MDFIC: variants seen among roughly 807,000 people sequenced by gnomAD.
MDFIC encodes the protein MyoD family inhibitor domain containing.
In MDFIC, 17 loss-of-function variants were observed where a neutral mutation model predicts 23.2. The observed-to-expected ratio is 0.73, with a 90% CI of 0.50 to 1.10. MDFIC has a LOEUF of 1.10. Among genes scored for constraint, MDFIC ranks in the 50% least tolerant of loss-of-function variants. MDFIC has a pLI of 0.00. For missense variants in MDFIC, 356 were observed against 316.6 expected, an observed-to-expected ratio of 1.12 and a Z score of -0.95; for synonymous variants, 120 against 115.2, an observed-to-expected ratio of 1.04 and a Z score of -0.27.
intron 1 of MDFIC, 144 bp from the exon 2 acceptor site, chr7:114,922,783 A>C: frequency 7.6e-7 from 1 of 1,309,782 alleles, no homozygotes; most frequent in South Asian, 1.7e-5. Flanking sequence ...GCGCTGTAAC[A>C]GTTTTCTTCG....
At chr7:114,936,663 G>A (rs553309629) in intron 2 of MDFIC, among the ~76,000 whole-genome samples, 1 of 152,134 alleles carries the variant, frequency 6.6e-6, no homozygotes, top group Non-Finnish European at 1.5e-5. Context: ...TGAGTATTGC[G>A]ATAGACGTTT....
chr7:115,013,341 C>G (rs1791719459), intron 4 of MDFIC, among the ~76,000 whole-genome samples: 1 of 123,632 alleles, frequency 8.1e-6, no homozygotes, highest in East Asian at 5.1e-4. Flanking sequence ...ATTTCTAAGG[C>G]TGGAACGAGA....
intron 3 of MDFIC, among the ~76,000 whole-genome samples, chr7:114,967,427 A>C (rs1793119626): frequency 6.6e-6 from 1 of 152,224 alleles, no homozygotes; most frequent in African/African-American, 2.4e-5. Context: ...TGCATCATAG[A>C]CTCATAATTA....
intron 3 of MDFIC, among the ~76,000 whole-genome samples, chr7:114,949,081 A>G (rs185392977): frequency 2.2e-4 from 33 of 152,274 alleles, no homozygotes; most frequent in Non-Finnish European, 3.8e-4. Flanking sequence ...GTGTGTTGTT[A>G]TTATTGTCTT....
chr7:114,984,907 A>T (rs981443844), intron 4 of MDFIC, among the ~76,000 whole-genome samples: 4 of 152,240 alleles, frequency 2.6e-5, no homozygotes, highest in African/African-American at 9.6e-5. Flanking sequence ...CATACTTGAT[A>T]TTCTGCATTT....
rs1456709044 is a variant in MDFIC at position 115,016,804 on chromosome 7, G to A, written c.*869G>A. On this transcript the variant is annotated 3_prime_UTR_variant, in exon 5 of 5. Transcript: ENST00000393486. ...ACTTGTTCAACAGACTCTGAATGCC[G>A]ACTGTGTGGACTCTCTTCCTCAGAC... is the stretch of plus-strand genomic sequence containing the variant. 6.6e-6 allele frequency: 1 copy of A among 152,290 alleles called. No homozygotes were observed. The highest frequency in any genetic ancestry group is 1.5e-5 in the Non-Finnish European group (1 of 68,236). The allele number at this position is 152,290 out of a possible 1,614,324, so 9.4% of individuals were successfully genotyped here.
At chr7:114,951,916 T>C (rs1792782491) in intron 3 of MDFIC, among the ~76,000 whole-genome samples, 1 of 151,854 alleles carries the variant, frequency 6.6e-6, no homozygotes, top group Admixed American at 6.6e-5. Context: ...GAATGCAGGG[T>C]CTCTTGTTAA....
At chr7:114,985,453 T>G (rs1455362452) in intron 4 of MDFIC, among the ~76,000 whole-genome samples, 3 of 152,122 alleles carry the variant, frequency 2.0e-5, no homozygotes, top group East Asian at 3.9e-4. Flanking sequence ...AAGGATTTTG[T>G]TTTTCTTTTT....
At chr7:114,993,058 C>T (rs1585117029) in intron 4 of MDFIC, among the ~76,000 whole-genome samples, 1 of 152,174 alleles carries the variant, frequency 6.6e-6, no homozygotes, top group Non-Finnish European at 1.5e-5. Context: ...AGGGATTCAA[C>T]TTCTTCCTGG....
chr7:114,944,023 A>G (rs112157949), intron 3 of MDFIC, among the ~76,000 whole-genome samples: 44 of 152,366 alleles, frequency 2.9e-4, no homozygotes, highest in African/African-American at 1.0e-3. Flanking sequence ...AGCTCATATT[A>G]GTCATAGAAT....
At chr7:114,975,056 T>A (rs1340344708) in intron 3 of MDFIC, among the ~76,000 whole-genome samples, 1 of 151,268 alleles carries the variant, frequency 6.6e-6, no homozygotes, top group East Asian at 1.9e-4. Flanking sequence ...TCAAGAATAC[T>A]TTTTTTTTGC....
chr7:114,985,572 A>G (rs547052731), intron 4 of MDFIC, among the ~76,000 whole-genome samples: 2 of 151,838 alleles, frequency 1.3e-5, no homozygotes, highest in African/African-American at 2.4e-5. Context: ...TGTACAGATT[A>G]TTTCATCCCC....
intron 2 of MDFIC, among the ~76,000 whole-genome samples, chr7:114,928,326 G>A (rs1703570377): frequency 6.6e-6 from 1 of 152,148 alleles, no homozygotes; most frequent in Non-Finnish European, 1.5e-5. Flanking sequence ...AAGGTCTACG[G>A]AATAGCATGG....
chr7:114,962,906 T>A (rs978283558), intron 3 of MDFIC, among the ~76,000 whole-genome samples: 6 of 152,232 alleles, frequency 3.9e-5, no homozygotes, highest in Admixed American at 3.9e-4. Flanking sequence ...AAGAACAATT[T>A]TCACTCAATT....
chr7:114,935,818 A>T (rs567851754), intron 2 of MDFIC, among the ~76,000 whole-genome samples: 34 of 152,248 alleles, frequency 2.2e-4, no homozygotes, highest in African/African-American at 8.2e-4. Flanking sequence ...CTCAGAGGAA[A>T]CAATACTTTT....
In MDFIC at chr7:115,019,748, A is replaced by T. The variant is rs541548128; in HGVS notation, c.*3813A>T. ...TAATATCCATTTTGTTTTCTTTTGC[A>T]CTAATACAACAGAACATATCATTTT... is the stretch of plus-strand genomic sequence containing the variant. On this transcript the variant is annotated 3_prime_UTR_variant, in exon 5 of 5. Transcript: ENST00000393486. Among the ~76,000 whole-genome samples, 1 of 152,300 alleles carries T rather than the reference A, an allele frequency of 6.6e-6. No individual in the cohort carries two copies. The highest frequency in any genetic ancestry group is 1.5e-5 in the Non-Finnish European group (1 of 68,006).
chr7:114,929,589 T>C (rs1235452065), intron 2 of MDFIC, among the ~76,000 whole-genome samples: 1 of 152,198 alleles, frequency 6.6e-6, no homozygotes, highest in Non-Finnish European at 1.5e-5. Context: ...AATCCATAAG[T>C]TTGCTTTGTA....
rs111237862 is a variant in MDFIC at position 114,942,338 on chromosome 7, A to G, written c.158A>G (p.His53Arg). The change falls in exon 3 of 5, where the codon CAT becomes CGT. Residue 53 changes from histidine (H) to arginine (R), a missense_variant. Physicochemically the swap from His to Arg is conservative, Grantham distance 29 (BLOSUM62 0). Transcript: ENST00000393486. ...CAAGCTACCAATAGCCACTTCACAC[A>G]TGGAGAGATGCAAGACCAGTCCATT... is the stretch of plus-strand genomic sequence containing the variant. ...ITQATNSHFT[H>R]GEMQDQSIWG... 3 of 1,605,458 alleles carry G rather than the reference A, an allele frequency of 1.9e-6. No individual in the cohort carries two copies. The highest frequency in any genetic ancestry group is 1.7e-5 in the Admixed American group (1 of 59,702).
At chr7:114,981,794 G>T (rs968770575) in intron 4 of MDFIC, among the ~76,000 whole-genome samples, 1 of 152,024 alleles carries the variant, frequency 6.6e-6, no homozygotes, top group African/African-American at 2.4e-5. Context: ...CTCAAAGTTC[G>T]ATATCTTCAT....
Sources: allele counts gnomAD v4.1 joint callset (sites outside exome capture counted in the v4.1 genomes callset), GRCh38; gene constraint gnomAD v4.1.1; transcripts MANE v1.5; gene names NCBI Gene and HGNC (gene_info 2026-07-23, HGNC 2026-07-21).